The following GLI3 variants were observed in gnomAD, a reference collection of about 807,000 sequenced individuals.
GLI3 encodes the protein GLI family zinc finger 3.
In GLI3, 20 loss-of-function variants were observed where a neutral mutation model predicts 100.8. That is an observed-to-expected ratio of 0.20 (90% CI 0.14 to 0.29). The LOEUF is 0.29. Among genes scored for constraint, GLI3 ranks in the 10% least tolerant of loss-of-function variants. The pLI, the probability that GLI3 is intolerant of heterozygous loss-of-function variation, is 1.00. For synonymous variants in GLI3, 938 were observed against 860.5 expected, an observed-to-expected ratio of 1.09 and a Z score of -1.58; for missense variants, 2,040 against 2,128.5, an observed-to-expected ratio of 0.96 and a Z score of 0.82.
chr7:41,965,377 G>T lies in GLI3; in HGVS notation c.3696C>A (p.His1232Gln), dbSNP rs1406242856. ...PYGGPEHLML[H>Q]NSPGSGTSGN... is the part of the protein sequence containing the mutation. ...CACTGGTGCCACTTCCGGGGCTGTT[G>T]TGGAGCATCAAGTGCTCTGGGCCAC... Residue 1232 changes from histidine to glutamine, a missense_variant, in exon 15 of 15, where the codon CAC becomes CAA. By Grantham distance (24) the His-to-Gln change is conservative. Around this residue, in one of 5 missense-constraint regions of GLI3, gnomAD observed 1,041 missense variants for 924.0 expected, o/e 1.13. Transcript: ENST00000395925. 6.2e-7 allele frequency: 1 copy of T among 1,612,882 alleles called. No homozygotes were observed. The highest frequency in any genetic ancestry group is 8.5e-7 in the Non-Finnish European group (1 of 1,179,546).
intron 2 of GLI3, among the ~76,000 whole-genome samples, chr7:42,171,226 T>C (rs3801213): frequency 0.1 from 15,418 of 152,272 alleles, 884 homozygotes; most frequent in South Asian, 0.18. Flanking sequence ...TTTTCTATCA[T>C]ACAAGTCCAC....
chr7:42,244,865 C>T (rs1216220901), intron 1 of GLI3, among the ~76,000 whole-genome samples: 1 of 152,208 alleles, frequency 6.6e-6, no homozygotes, highest in Admixed American at 6.5e-5. Flanking sequence ...GCATATTTCT[C>T]AAGCCCAAAG....
chr7:42,005,421 T>A (rs555831775), intron 10 of GLI3, among the ~76,000 whole-genome samples: 1 of 150,612 alleles, frequency 6.6e-6, no homozygotes, highest in East Asian at 2.0e-4. Context: ...TGCAAAGTGC[T>A]TAACTGCTAA....
chr7:42,088,107 T>C (rs1056904914), intron 3 of GLI3, among the ~76,000 whole-genome samples: 1 of 152,166 alleles, frequency 6.6e-6, no homozygotes, highest in Admixed American at 6.5e-5. Flanking sequence ...CATTCCCCAT[T>C]TTTCTTCTAT....
Position 41,965,720 on chromosome 7 carries a change from T to A in GLI3, c.3353A>T (p.Asp1118Val). ...YEQHFPSALP[D>V]DSKVPHGPGD... ...GGGCCCGTGGGGCACTTTGCTGTCG[T>A]CCGGGAGGGCGCTGGGGAAGTGCTG... The change falls in exon 15 of 15, where the codon GAC becomes GTC. Residue 1118 changes from aspartate to valine, a missense_variant. By Grantham distance (152) the Asp-to-Val change is radical. Coordinates refer to ENST00000395925, the MANE Select transcript of GLI3 (RefSeq NM_000168.6). The A allele has an allele frequency of 6.2e-7, 1 of 1,613,630 alleles. No homozygotes were observed. Among genetic ancestry groups the A allele is most frequent in the Non-Finnish European group, 8.5e-7 (1 of 1,179,918 alleles).
chr7:42,019,168 A>G (rs1788860368), intron 10 of GLI3, among the ~76,000 whole-genome samples: 1 of 152,206 alleles, frequency 6.6e-6, no homozygotes, highest in African/African-American at 2.4e-5. Flanking sequence ...TTTCGATCTC[A>G]GCACTGATGT....
intron 2 of GLI3, among the ~76,000 whole-genome samples, chr7:42,188,062 T>C (rs998221795): frequency 2.7e-5 from 4 of 147,352 alleles, no homozygotes; most frequent in Non-Finnish European, 5.9e-5. Context: ...GAGAACATCA[T>C]GTAAAGATAA....
At chr7:42,029,930 G>A (rs1053043999) in intron 7 of GLI3, among the ~76,000 whole-genome samples, 3 of 152,190 alleles carry the variant, frequency 2.0e-5, no homozygotes, top group African/African-American at 7.2e-5. Context: ...GCCTGGCAGA[G>A]CAGACACGCA....
chr7:42,164,389 G>A lies in GLI3; in HGVS notation c.125-15921C>T, dbSNP rs542606902. ...GCAAAAATTAGCTGGGCATGGTGGC[G>A]CAGGCCTGTAGTCCCAACTTCTTGG... On this transcript the variant is annotated intron_variant, in intron 2 of 14. Transcript: ENST00000395925. 1.2e-4 allele frequency among the ~76,000 whole-genome samples: 18 copies of A among 152,062 alleles called. No homozygotes were observed. In the East Asian group the frequency reaches 2.9e-3, roughly 25 times the overall value.
chr7:42,073,462 C>T (rs1784822059), intron 4 of GLI3, among the ~76,000 whole-genome samples: 1 of 152,220 alleles, frequency 6.6e-6, no homozygotes, highest in South Asian at 2.1e-4. Flanking sequence ...ATTTCCTCTA[C>T]TCATTCAGAG....
chr7:42,088,591 C>T (rs1554325550), intron 3 of GLI3, among the ~76,000 whole-genome samples: 1 of 152,192 alleles, frequency 6.6e-6, no homozygotes, highest in Non-Finnish European at 1.5e-5. Flanking sequence ...CCTGCAAGCC[C>T]ACCATGCCCA....
At chr7:42,164,344 A>C (rs1487628452) in intron 2 of GLI3, among the ~76,000 whole-genome samples, 1 of 151,226 alleles carries the variant, frequency 6.6e-6, no homozygotes, top group Non-Finnish European at 1.5e-5. Flanking sequence ...ACATGGTGAA[A>C]CCCTATCTCT....
chr7:42,200,521 G>A (rs528361797), intron 2 of GLI3, among the ~76,000 whole-genome samples: 1 of 152,290 alleles, frequency 6.6e-6, no homozygotes, highest in African/African-American at 2.4e-5. Context: ...TGCCTTTGAA[G>A]GACACCAGGC....
chr7:42,172,399 C>T (rs1009447724), intron 2 of GLI3: 12 of 610,266 alleles, frequency 2.0e-5, no homozygotes, highest in Middle Eastern at 2.7e-4. Context: ...GGAGAATTTG[C>T]ATGGCTGGCA....
chr7:42,090,128 A>T (rs1785186827), intron 3 of GLI3, among the ~76,000 whole-genome samples: 1 of 152,216 alleles, frequency 6.6e-6, no homozygotes, highest in Non-Finnish European at 1.5e-5. Flanking sequence ...AAAATACAGT[A>T]TTAAAATATT....
In GLI3 at chr7:42,235,577, C is replaced by A. The variant is rs115109307; in HGVS notation, c.-43+1394G>T. ...AAAAATCACATTTAAGAGGGAAAGG[C>A]CTAATTACTCGAATTTTCAGCAAAG... On this transcript the variant is annotated intron_variant, in intron 1 of 14. Coordinates refer to ENST00000395925, the MANE Select transcript of GLI3 (RefSeq NM_000168.6). Among the ~76,000 whole-genome samples, 310 of 152,300 alleles carry A rather than the reference C, an allele frequency of 2.0e-3. 2 individuals carry two copies. The highest frequency in any genetic ancestry group is 7.0e-3 in the African/African-American group (290 of 41,566).
At chr7:42,151,029 G>A (rs1465894921) in intron 2 of GLI3, among the ~76,000 whole-genome samples, 2 of 152,120 alleles carry the variant, frequency 1.3e-5, no homozygotes, top group Non-Finnish European at 2.9e-5. Flanking sequence ...AGAAGTAACC[G>A]AAGTGCACAT....
chr7:42,172,619 G>A (rs893643767), intron 2 of GLI3: 2 of 703,038 alleles, frequency 2.8e-6, no homozygotes, highest in Middle Eastern at 2.3e-4. Context: ...TGCAGCAGCA[G>A]GGATGGACAG....
chr7:41,995,486 A>C (rs2080175699), intron 10 of GLI3, among the ~76,000 whole-genome samples: 1 of 152,058 alleles, frequency 6.6e-6, no homozygotes, highest in Non-Finnish European at 1.5e-5. Context: ...CCTGATGTTC[A>C]GAGGGGTTCA....
Sources: allele counts gnomAD v4.1 joint callset (sites outside exome capture counted in the v4.1 genomes callset), GRCh38; gene constraint gnomAD v4.1.1; regional missense constraint gnomAD v4.1.1; transcripts MANE v1.5; gene names NCBI Gene and HGNC (gene_info 2026-07-23, HGNC 2026-07-21).